Variants in CACNB4 observed in about 807,000 individuals in gnomAD.
CACNB4 encodes the protein voltage-dependent L-type calcium channel subunit beta-4.
A neutral mutation model predicts 71.2 loss-of-function variants in CACNB4; 32 were observed. The ratio of observed to expected loss-of-function variants is 0.45; its 90% CI spans 0.34 to 0.60. The LOEUF is 0.60. Among genes scored for constraint, CACNB4 ranks in the 20% least tolerant of loss-of-function variants. CACNB4 has a pLI of 0.01. For missense variants in CACNB4, 464 were observed against 647.9 expected (o/e 0.72, Z 3.08); for synonymous variants, 231 against 236.9 (o/e 0.97, Z 0.23).
chr2:152,030,999 A>G (rs1684254573), intron 2 of CACNB4, among the ~76,000 whole-genome samples: 1 of 152,196 alleles, frequency 6.6e-6, no homozygotes, highest in Admixed American at 6.5e-5. Flanking sequence ...GTAACAGGGA[A>G]GTGGATACAA....
Position 151,966,675 on chromosome 2 carries a change from A to C in CACNB4, c.148-83305T>G, listed in dbSNP as rs148759370. Among the ~76,000 whole-genome samples, 1,453 of 152,268 alleles carry C rather than the reference A, an allele frequency of 9.5e-3. 24 individuals carry two copies. Among genetic ancestry groups the C allele is most frequent in the African/African-American group, 0.033 (1,359 of 41,548 alleles). On this transcript the variant is annotated intron_variant, in intron 2 of 13. Coordinates refer to ENST00000539935, the MANE Select transcript of CACNB4 (RefSeq NM_000726.5). ...CCTTTGGGGATTACTGAATTCTTTC[A>C]CCTGTCAACCACTATAAGATTGTTG...
At chr2:152,080,631 T>C (rs1687312672) in intron 2 of CACNB4, among the ~76,000 whole-genome samples, 1 of 152,190 alleles carries the variant, frequency 6.6e-6, no homozygotes, top group Non-Finnish European at 1.5e-5. Context: ...GCATATATTT[T>C]GTGTACTCTG....
Position 152,003,334 on chromosome 2 carries a change from T to C in CACNB4, c.147+94996A>G, listed in dbSNP as rs571542181. Reference sequence around the variant, plus strand: ...GGTGGCATGCACCTATAATCCCAGCTACTTGGGAGGCTGAGGCAGGGGAAT... The same window carrying C: ...GGTGGCATGCACCTATAATCCCAGCCACTTGGGAGGCTGAGGCAGGGGAAT... On this transcript the variant is annotated intron_variant, in intron 2 of 13. Transcript: ENST00000539935. 8.6e-5 allele frequency among the ~76,000 whole-genome samples: 13 copies of C among 151,724 alleles called. No individual in the cohort carries two copies. The South Asian group carries it at 2.3e-3, about 27-fold the overall frequency.
chr2:152,092,949 CA>C (rs1688058538), intron 2 of CACNB4, among the ~76,000 whole-genome samples: 1 of 151,928 alleles, frequency 6.6e-6, no homozygotes, highest in Admixed American at 6.6e-5. Context: ...ACAATGTTAA[CA>C]ATATGTCATA....
chr2:151,839,438 T>A, intron 13 of CACNB4, 59 bp from the exon 14 acceptor site: 2 of 1,305,116 alleles, frequency 1.5e-6, no homozygotes, highest in African/African-American at 1.5e-5. Flanking sequence ...TCTAAACATG[T>A]AAATGTATGT....
At chr2:152,067,932 A>G (rs1686436383) in intron 2 of CACNB4, among the ~76,000 whole-genome samples, 1 of 152,200 alleles carries the variant, frequency 6.6e-6, no homozygotes, top group Non-Finnish European at 1.5e-5. Flanking sequence ...TTGAAGAGGT[A>G]ATATTAAAAT....
At chr2:152,095,607 A>G (rs1361828418) in intron 2 of CACNB4, among the ~76,000 whole-genome samples, 1 of 152,188 alleles carries the variant, frequency 6.6e-6, no homozygotes, top group Non-Finnish European at 1.5e-5. Flanking sequence ...TCAAGAATTC[A>G]AATATCAATA....
intron 2 of CACNB4, among the ~76,000 whole-genome samples, chr2:152,093,658 T>C (rs1448104589): frequency 6.6e-6 from 1 of 152,116 alleles, no homozygotes; most frequent in African/African-American, 2.4e-5. Context: ...CAAGCAACCA[T>C]GTTGAGAGGC....
chr2:151,915,548 A>G (rs2099857252), intron 2 of CACNB4, among the ~76,000 whole-genome samples: 1 of 152,210 alleles, frequency 6.6e-6, no homozygotes, highest in Admixed American at 6.5e-5. Flanking sequence ...AGAGGCTGTA[A>G]GAATGTGCTC....
At chr2:151,966,100 C>A (rs1314997962) in intron 2 of CACNB4, among the ~76,000 whole-genome samples, 1 of 152,096 alleles carries the variant, frequency 6.6e-6, no homozygotes, top group African/African-American at 2.4e-5. Flanking sequence ...GCAAAAAGTA[C>A]AAAATTTTGC....
At chr2:152,051,457 C>T (rs1006313984) in intron 2 of CACNB4, among the ~76,000 whole-genome samples, 2 of 152,074 alleles carry the variant, frequency 1.3e-5, no homozygotes, top group Non-Finnish European at 2.9e-5. Flanking sequence ...GCCCTAATCT[C>T]CAGTGTGATG....
intron 2 of CACNB4, among the ~76,000 whole-genome samples, chr2:152,087,193 G>A (rs1249206406): frequency 6.6e-6 from 1 of 151,598 alleles, no homozygotes; most frequent in African/African-American, 2.4e-5. Flanking sequence ...AGCACTTCGG[G>A]AGGCCAAGGC....
intron 2 of CACNB4, among the ~76,000 whole-genome samples, chr2:151,923,059 T>C (rs2099859356): frequency 6.6e-6 from 1 of 152,244 alleles, no homozygotes; most frequent in African/African-American, 2.4e-5. Context: ...CATTGCGGAC[T>C]TGTCTGAATG....
chr2:151,888,386 G>T (rs1035640869), intron 2 of CACNB4, among the ~76,000 whole-genome samples: 1 of 151,710 alleles, frequency 6.6e-6, no homozygotes, highest in Non-Finnish European at 1.5e-5. Flanking sequence ...ACATAGTAAG[G>T]CCCCATATCT....
intron 2 of CACNB4, among the ~76,000 whole-genome samples, chr2:152,004,310 G>C (rs916661498): frequency 6.6e-6 from 1 of 151,976 alleles, no homozygotes; most frequent in Admixed American, 6.6e-5. Flanking sequence ...GCACTACCTA[G>C]TCCCTTCCAA....
intron 2 of CACNB4, among the ~76,000 whole-genome samples, chr2:151,903,035 C>T (rs1440472941): frequency 2.0e-5 from 3 of 152,144 alleles, no homozygotes; most frequent in Non-Finnish European, 4.4e-5. Flanking sequence ...AAATTAAGTA[C>T]TTTACTGTGC....
At chr2:152,022,823 T>C (rs916826820) in intron 2 of CACNB4, among the ~76,000 whole-genome samples, 14 of 152,296 alleles carry the variant, frequency 9.2e-5, no homozygotes, top group African/African-American at 3.1e-4. Flanking sequence ...TACTTGATCA[T>C]GTACAGGACT....
intron 2 of CACNB4, among the ~76,000 whole-genome samples, chr2:151,921,197 C>A (rs369687119): frequency 1.5e-5 from 2 of 130,734 alleles, no homozygotes; most frequent in East Asian, 2.1e-4. Flanking sequence ...TAAAAAAAAA[C>A]ACCTTACTTG....
Position 151,989,970 on chromosome 2 carries a change from G to C in CACNB4, c.148-106600C>G, listed in dbSNP as rs1579082660. Among the ~76,000 whole-genome samples, 3 of 151,988 alleles carry C rather than the reference G, an allele frequency of 2.0e-5. No individual in the cohort carries two copies. The East Asian group carries it at 5.8e-4, about 29-fold the overall frequency. ...CTTTTGAACCTCTCCTCTTTTTTCAGTCTCTACAGTTGAGGCTCTCCCAAT... is the reference window on the plus strand; with the variant it reads ...CTTTTGAACCTCTCCTCTTTTTTCACTCTCTACAGTTGAGGCTCTCCCAAT... On this transcript the variant is annotated intron_variant, in intron 2 of 13. Coordinates refer to ENST00000539935, the MANE Select transcript of CACNB4 (RefSeq NM_000726.5).
Sources: gnomAD v4.1 joint callset for allele counts (sites outside exome capture counted in the v4.1 genomes callset) on GRCh38, gnomAD v4.1.1 for gene constraint, MANE v1.5 for transcripts, NCBI Gene and HGNC (gene_info 2026-07-23, HGNC 2026-07-21) for gene names.